CRHR1: variants seen among roughly 807,000 people sequenced by gnomAD.
CRHR1 encodes corticotropin-releasing hormone receptor 1.
A neutral mutation model predicts 56.0 loss-of-function variants in CRHR1; 28 were observed. That is an observed-to-expected ratio of 0.50 (90% CI 0.37 to 0.69). CRHR1 has a LOEUF of 0.69. Among genes scored for constraint, CRHR1 ranks in the 30% least tolerant of loss-of-function variants. The pLI, the probability that CRHR1 is intolerant of heterozygous loss-of-function variation, is 0.00. For synonymous variants in CRHR1, 195 were observed against 216.5 expected (o/e 0.90, Z 0.87); for missense variants, 376 against 548.0 (o/e 0.69, Z 3.13).
At chr17:45,804,762 C>A (rs138225927) in intron 1 of CRHR1, among the ~76,000 whole-genome samples, 1 of 151,386 alleles carries the variant, frequency 6.6e-6, no homozygotes, top group African/African-American at 2.4e-5. Context: ...GAGTGGGGCC[C>A]GACTGGAGTG....
intron 1 of CRHR1, among the ~76,000 whole-genome samples, chr17:45,805,573 G>T (rs1248915952): frequency 6.6e-6 from 1 of 152,138 alleles, no homozygotes; most frequent in Non-Finnish European, 1.5e-5. Context: ...TGAGACACCT[G>T]GCCATGGGGT....
intron 4 of CRHR1, among the ~76,000 whole-genome samples, chr17:45,824,696 G>A (rs1265969056): frequency 6.6e-6 from 1 of 152,190 alleles, no homozygotes; most frequent in Non-Finnish European, 1.5e-5. Context: ...TAGGGTTTGG[G>A]TTTCAACGGG....
intron 3 of CRHR1, among the ~76,000 whole-genome samples, chr17:45,819,321 A>G (rs536440363): frequency 4.6e-5 from 7 of 152,202 alleles, no homozygotes; most frequent in Non-Finnish European, 1.0e-4. Flanking sequence ...AGGTTTCGGG[A>G]TTTGCCCAAG....
At chr17:45,793,213 C>G (rs2061457384) in intron 1 of CRHR1, among the ~76,000 whole-genome samples, 1 of 152,278 alleles carries the variant, frequency 6.6e-6, no homozygotes, top group African/African-American at 2.4e-5. Flanking sequence ...CAGCACTGCC[C>G]TGTGTTCCGC....
At chr17:45,828,954 A>T (rs958444974) in intron 4 of CRHR1, among the ~76,000 whole-genome samples, 7 of 152,062 alleles carry the variant, frequency 4.6e-5, no homozygotes, top group African/African-American at 1.7e-4. Flanking sequence ...GTCCATGTGG[A>T]GTGGGGAATC....
chr17:45,794,921 G>T (rs114558486), intron 1 of CRHR1, among the ~76,000 whole-genome samples: 1 of 152,214 alleles, frequency 6.6e-6, no homozygotes, highest in Non-Finnish European at 1.5e-5. Context: ...AGCCTCAGCT[G>T]GGTGAGCTCA....
intron 1 of CRHR1, among the ~76,000 whole-genome samples, chr17:45,785,587 G>T (rs1382019295): frequency 6.6e-6 from 1 of 152,228 alleles, no homozygotes; most frequent in African/African-American, 2.4e-5. Flanking sequence ...ATAGACACCA[G>T]CTTGACCCGG....
intron 1 of CRHR1, among the ~76,000 whole-genome samples, chr17:45,794,528 C>T (rs374009191): frequency 1.1e-4 from 17 of 152,358 alleles, no homozygotes; most frequent in African/African-American, 3.8e-4. Context: ...GATGTAGTGG[C>T]TCTTTCTGGC....
chr17:45,830,828 C>T (rs374774972), intron 7 of CRHR1, 52 bp from the exon 8 acceptor site: 2 of 1,579,616 alleles, frequency 1.3e-6, no homozygotes, highest in Admixed American at 1.7e-5. Flanking sequence ...TCTCCAGGCC[C>T]ACATCCTCCA....
intron 4 of CRHR1, chr17:45,826,698 G>C (rs1021947222): frequency 6.6e-6 from 1 of 152,314 alleles, no homozygotes; most frequent in South Asian, 2.1e-4. Context: ...GCAGGGGGCC[G>C]GACACGGTGG....
chr17:45,789,088 G>A (rs566574663), intron 1 of CRHR1, among the ~76,000 whole-genome samples: 33 of 152,330 alleles, frequency 2.2e-4, no homozygotes, highest in South Asian at 6.2e-4. Flanking sequence ...GCCTCAGCCA[G>A]TGAAACTCCA....
intron 5 of CRHR1, chr17:45,829,538 T>A: frequency 6.5e-7 from 1 of 1,541,632 alleles, no homozygotes; most frequent in African/African-American, 1.4e-5. Flanking sequence ...GGACAAAACT[T>A]GTCTTATGTC....
intron 1 of CRHR1, among the ~76,000 whole-genome samples, chr17:45,790,106 T>C (rs182393973): frequency 2.6e-4 from 39 of 152,232 alleles, no homozygotes; most frequent in African/African-American, 8.9e-4. Flanking sequence ...CAGAGCACTT[T>C]TCACAGTCCC....
chr17:45,789,570 G>A (rs764270938), intron 1 of CRHR1, among the ~76,000 whole-genome samples: 15 of 151,804 alleles, frequency 9.9e-5, no homozygotes, highest in Middle Eastern at 3.4e-3. Flanking sequence ...CGGTCTTGCC[G>A]TATTGCCCAG....
chr17:45,796,244 T>C lies in CRHR1; in HGVS notation c.34-10766T>C, dbSNP rs187947695. On this transcript the variant is annotated intron_variant, in intron 1 of 12. Transcript: ENST00000314537. Reference sequence around the variant, plus strand: ...CACCCACTCAGGGACAGTTTCCCAGTGTCTGGGAGCCACTCACAGCTAACA... The same window carrying C: ...CACCCACTCAGGGACAGTTTCCCAGCGTCTGGGAGCCACTCACAGCTAACA... Among the ~76,000 whole-genome samples the C allele has an allele frequency of 4.3e-3, 655 of 152,278 alleles. 4 individuals carry two copies. Among genetic ancestry groups the C allele is most frequent in the African/African-American group, 0.015 (617 of 41,552 alleles).
intron 2 of CRHR1, among the ~76,000 whole-genome samples, chr17:45,810,965 C>G (rs2061811705): frequency 6.6e-6 from 1 of 152,254 alleles, no homozygotes; most frequent in East Asian, 1.9e-4. Flanking sequence ...CCTTGGGCCA[C>G]CTGGCTGCTC....
intron 1 of CRHR1, 104 bp from the exon 2 acceptor site, chr17:45,806,906 C>A: frequency 1.1e-6 from 1 of 899,518 alleles, no homozygotes; most frequent in South Asian, 1.5e-5. Context: ...GGAGGGGAGG[C>A]AGGCAGGTGC....
intron 2 of CRHR1, among the ~76,000 whole-genome samples, chr17:45,815,979 A>G (rs171441): frequency 0.9 from 137,012 of 152,276 alleles, 61,957 homozygotes; most frequent in East Asian, 1. Context: ...CATTTAGCTG[A>G]TTCTTCCCTG....
chr17:45,791,229 G>T (rs1161970665), intron 1 of CRHR1, among the ~76,000 whole-genome samples: 2 of 152,068 alleles, frequency 1.3e-5, no homozygotes, highest in African/African-American at 4.8e-5. Flanking sequence ...CAAGGGGCTG[G>T]GCTGGGTGGG....
Sources: gnomAD v4.1 joint callset for allele counts (sites outside exome capture counted in the v4.1 genomes callset) on GRCh38, gnomAD v4.1.1 for gene constraint, MANE v1.5 for transcripts, NCBI Gene and HGNC (gene_info 2026-07-23, HGNC 2026-07-21) for gene names.